Variants in HERC4 observed in about 807,000 individuals in gnomAD.
The protein encoded by HERC4 is probable E3 ubiquitin-protein ligase HERC4.
A neutral mutation model predicts 124.3 loss-of-function variants in HERC4; 28 were observed. The observed-to-expected ratio is 0.23, with a 90% CI of 0.17 to 0.31. The LOEUF is 0.31. HERC4 is among the 10% of genes least tolerant of loss of function. The pLI is 1.00. For missense variants in HERC4, 713 were observed against 1,229.3 expected (o/e 0.58, Z 6.28); for synonymous variants, 407 against 421.5 (o/e 0.97, Z 0.42).
At chr10:68,073,991 C>T (rs764819735) in intron 1 of HERC4, 27 of 152,090 alleles carry the variant, frequency 1.8e-4, no homozygotes, top group Non-Finnish European at 2.8e-4. Flanking sequence ...AAAAATCACC[C>T]GTGGGCAATC....
intron 9 of HERC4, chr10:67,995,410 C>T (rs1160750144): frequency 8.2e-6 from 2 of 243,444 alleles, no homozygotes; most frequent in African/African-American, 4.7e-5. Context: ...TGATCTATTA[C>T]AATTATTTAC....
intron 19 of HERC4, among the ~76,000 whole-genome samples, chr10:67,943,630 G>C (rs1243860631): frequency 6.6e-6 from 1 of 152,180 alleles, no homozygotes; most frequent in Admixed American, 6.5e-5. Context: ...CTGAACCAGA[G>C]GGTCTGGAAT....
rs1209553440 is a variant in HERC4 at position 67,990,290 on chromosome 10, A to G, written c.1554T>C (p.Asp518=). 6.2e-7 allele frequency: 1 copy of G among 1,613,064 alleles called. No individual in the cohort carries two copies. Among genetic ancestry groups the G allele is most frequent in the South Asian group, 1.1e-5 (1 of 90,842 alleles). ...TTGCTATTGTTGTGAAATTGTTGGAATCACTCATCAGGGGACATTCTGGTA... is the reference window on the plus strand; with the variant it reads ...TTGCTATTGTTGTGAAATTGTTGGAGTCACTCATCAGGGGACATTCTGGTA... ...LTLPECPLMS[D]SNNFTTIAIP... is the part of the protein sequence containing the mutation. The change falls in exon 14 of 25, where the codon GAT becomes GAC. Residue 518 remains aspartate, a synonymous_variant. Coordinates refer to ENST00000373700, the MANE Select transcript of HERC4 (RefSeq NM_015601.4).
intron 15 of HERC4, among the ~76,000 whole-genome samples, chr10:67,983,531 G>A (rs2036064528): frequency 6.6e-6 from 1 of 152,084 alleles, no homozygotes; most frequent in Non-Finnish European, 1.5e-5. Flanking sequence ...TGTAATCCCA[G>A]CACTTTGGGA....
intron 3 of HERC4, among the ~76,000 whole-genome samples, chr10:68,066,436 T>C (rs1233710611): frequency 6.6e-6 from 1 of 152,212 alleles, no homozygotes. Context: ...CTTCTAATCA[T>C]GTAAAAACAC....
chr10:67,991,951 G>A (rs1009927516), intron 11 of HERC4, among the ~76,000 whole-genome samples: 2 of 151,986 alleles, frequency 1.3e-5, no homozygotes, highest in Non-Finnish European at 2.9e-5. Context: ...AGGCTACAGT[G>A]CAATGGTGTT....
intron 15 of HERC4, 125 bp downstream of exon 15, chr10:67,988,538 C>A (rs954752667): frequency 4.7e-6 from 3 of 642,428 alleles, no homozygotes; most frequent in Non-Finnish European, 2.5e-6. Context: ...ATAACTTTTC[C>A]AAATTTCTAT....
chr10:68,033,665 T>C (rs1564572456), intron 6 of HERC4, among the ~76,000 whole-genome samples: 3 of 152,246 alleles, frequency 2.0e-5, no homozygotes, highest in South Asian at 4.1e-4. Context: ...TTACAGCTTT[T>C]TTCCACTAAC....
intron 8 of HERC4, among the ~76,000 whole-genome samples, chr10:68,020,538 G>A (rs528161141): frequency 9.7e-4 from 148 of 151,980 alleles, no homozygotes; most frequent in African/African-American, 3.4e-3. Context: ...AGGCCGAGGC[G>A]GGCAGATCAC....
chr10:68,041,105 G>T (rs1342578178), intron 4 of HERC4, among the ~76,000 whole-genome samples: 2 of 150,922 alleles, frequency 1.3e-5, no homozygotes, highest in Non-Finnish European at 2.9e-5. Context: ...CAGAAATCAG[G>T]CATTGTTAGT....
intron 9 of HERC4, chr10:68,010,582 T>C (rs1272446606): frequency 1.7e-6 from 2 of 1,189,590 alleles, no homozygotes; most frequent in Non-Finnish European, 2.5e-6. Flanking sequence ...CTGGTTCGCT[T>C]TCTCTTTCAG....
chr10:67,937,093 A>G (rs2032429999), intron 21 of HERC4, among the ~76,000 whole-genome samples: 1 of 152,214 alleles, frequency 6.6e-6, no homozygotes, highest in Non-Finnish European at 1.5e-5. Context: ...TAGGGGTAGT[A>G]TTTTGAAAGA....
At chr10:67,986,567 G>T (rs1304486148) in intron 15 of HERC4, among the ~76,000 whole-genome samples, 1 of 152,024 alleles carries the variant, frequency 6.6e-6, no homozygotes, top group Non-Finnish European at 1.5e-5. Flanking sequence ...ATGTTGGCCA[G>T]GTTGGTCTCA....
intron 3 of HERC4, among the ~76,000 whole-genome samples, chr10:68,051,129 T>G (rs1050478965): frequency 1.3e-5 from 2 of 148,678 alleles, no homozygotes. Context: ...AAGAAAAAAC[T>G]TGCCACACAA....
chr10:68,050,908 A>T (rs541374301), intron 3 of HERC4, among the ~76,000 whole-genome samples: 1 of 152,286 alleles, frequency 6.6e-6, no homozygotes, highest in Non-Finnish European at 1.5e-5. Flanking sequence ...CTGGCCCAGT[A>T]ATGTTCCGTG....
chr10:67,933,385 C>T (rs2032028075), intron 22 of HERC4, among the ~76,000 whole-genome samples: 1 of 152,076 alleles, frequency 6.6e-6, no homozygotes, highest in South Asian at 2.1e-4. Context: ...TCTTATGATA[C>T]AAAACGAAAC....
chr10:68,064,401 A>G (rs1423186939), intron 3 of HERC4, among the ~76,000 whole-genome samples: 1 of 151,796 alleles, frequency 6.6e-6, no homozygotes, highest in Non-Finnish European at 1.5e-5. Context: ...TAAAAATACA[A>G]AAATTAGCCA....
At chr10:67,955,784 TA>T (rs1290851473) in intron 17 of HERC4, 1 of 151,872 alleles carries the variant, frequency 6.6e-6, no homozygotes, top group Admixed American at 6.6e-5. Context: ...AAATAAAAAA[TA>T]AAAAACAAAG....
At chr10:67,933,127 T>A (rs567605379) in intron 22 of HERC4, among the ~76,000 whole-genome samples, 1 of 152,268 alleles carries the variant, frequency 6.6e-6, no homozygotes, top group South Asian at 2.1e-4. Flanking sequence ...GTCACATGCA[T>A]CCCTAAAAGG....
Sources: gnomAD v4.1 joint callset for allele counts (sites outside exome capture counted in the v4.1 genomes callset) on GRCh38, gnomAD v4.1.1 for gene constraint, MANE v1.5 for transcripts, NCBI Gene and HGNC (gene_info 2026-07-23, HGNC 2026-07-21) for gene names.